PTPRE: variants seen among roughly 807,000 people sequenced by gnomAD.
PTPRE encodes the protein protein tyrosine phosphatase receptor type E, also known as receptor-type tyrosine-protein phosphatase epsilon.
Under a neutral mutation model 102.0 loss-of-function variants are expected in PTPRE, and 51 were observed. The observed-to-expected ratio is 0.50, with a 90% CI of 0.40 to 0.63. The LOEUF (loss-of-function observed/expected upper bound fraction) is 0.63, where lower values mean the gene tolerates loss of function less well. Ranked by LOEUF, PTPRE falls within the 30% of genes least tolerant of loss-of-function variation. The probability of loss-of-function intolerance (pLI) is 0.00; values close to 1 mark genes in which losing one functional copy is unlikely to be tolerated. For missense variants in PTPRE, 752 were observed against 915.1 expected (o/e 0.82, Z 2.30); for synonymous variants, 345 against 348.2 (o/e 0.99, Z 0.10).
In PTPRE at chr10:128,028,621, C is replaced by G. The variant is rs968220729; in HGVS notation, c.-7-12254C>G. On this transcript the variant is annotated intron_variant, in intron 2 of 20. Transcript: ENST00000254667. This position sits in a 1 kb window ranked among gnomAD's most constrained non-coding sequence, Gnocchi z 4.5. ...CAGCAGAAGCGGCAGCCCCATCTGT[C>G]CCCGAGACCCCACCCCCTCAGGCAC... Among the ~76,000 whole-genome samples, 2 of 152,114 alleles carry G rather than the reference C, an allele frequency of 1.3e-5. No individual in the cohort carries two copies. Among genetic ancestry groups the G allele is most frequent in the Non-Finnish European group, 2.9e-5 (2 of 68,018 alleles).
chr10:127,987,218 T>G, intron 2 of PTPRE: 1 of 718,066 alleles, frequency 1.4e-6, no homozygotes, highest in Non-Finnish European at 1.8e-6. Context: ...AGTCACAGTT[T>G]CCCCTAAGAG....
At position 127,918,822 on chromosome 10, in the gene PTPRE, A is replaced by G. The variant is rs113825409; in HGVS notation, c.-31+11513A>G. Among the ~76,000 whole-genome samples, 1,280 of 152,282 alleles carry G rather than the reference A, an allele frequency of 8.4e-3. 6 individuals carry two copies. Among genetic ancestry groups the G allele is most frequent in the Admixed American group, 0.015 (228 of 15,294 alleles). ...CCACGGCTGTTGAGCGTGGATGTGT[A>G]TTTCTCAAGGAGTATGAAGGAGTCT... On this transcript the variant is annotated intron_variant, in intron 1 of 20. Coordinates refer to ENST00000254667, the MANE Select transcript of PTPRE (RefSeq NM_006504.6).
At chr10:127,969,457 C>T (rs1850520634) in intron 1 of PTPRE, among the ~76,000 whole-genome samples, 1 of 152,066 alleles carries the variant, frequency 6.6e-6, no homozygotes. Flanking sequence ...CACTTGAGGC[C>T]AAGAGTCCCA....
chr10:127,977,719 C>G (rs1347191695), intron 1 of PTPRE, among the ~76,000 whole-genome samples: 2 of 152,246 alleles, frequency 1.3e-5, no homozygotes, highest in African/African-American at 4.8e-5. Context: ...CTTTCCATAT[C>G]TTGTGAGTAA....
At chr10:127,946,389 A>ACCTGTGCACACTTGCTCATC (rs1564817885) in intron 1 of PTPRE, among the ~76,000 whole-genome samples, 5 of 112,614 alleles carry the variant, frequency 4.4e-5, no homozygotes, top group East Asian at 3.4e-4. Flanking sequence ...GTAAGGATAT[A>ACCTGTGCACACTTGCTCATC]TATACAAGGA....
rs767986559 is a variant in PTPRE, at chr10:128,066,043, T to A, written c.724-32T>A. 3.1e-6 allele frequency: 5 copies of A among 1,614,086 alleles called. No individual in the cohort carries two copies. The East Asian group carries it at 1.1e-4, about 36-fold the overall frequency. On this transcript the variant is annotated intron_variant, in intron 10 of 20. Coordinates refer to ENST00000254667, the MANE Select transcript of PTPRE (RefSeq NM_006504.6). The stretch of plus-strand genomic sequence containing the variant: ...TGTCATGATGCATTGCACCCACAGA[T>A]CTATTTGCTTCTATTAAATTGTTCC...
At chr10:127,999,518 T>C in intron 2 of PTPRE, 2 of 985,368 alleles carry the variant, frequency 2.0e-6, no homozygotes, top group Non-Finnish European at 1.2e-6. Flanking sequence ...CTCTCCGAGC[T>C]CAGTGCACAG....
intron 10 of PTPRE, 138 bp from the exon 11 acceptor site, chr10:128,065,937 C>A: frequency 1.6e-6 from 2 of 1,273,840 alleles, no homozygotes; most frequent in Non-Finnish European, 2.3e-6. Context: ...GAGGTCGACA[C>A]ACGTGAACTT....
chr10:128,047,390 G>A lies in PTPRE; in HGVS notation c.110G>A (p.Gly37Asp). The A allele has an allele frequency of 6.2e-7, 1 of 1,612,372 alleles. No individual in the cohort carries two copies. Among genetic ancestry groups the A allele is most frequent in the Non-Finnish European group, 8.5e-7 (1 of 1,179,744 alleles). Residue 37 changes from glycine (G) to aspartate (D), a missense_variant and splice_region_variant, in exon 4 of 21, where the codon GGC (glycine) becomes GAC (aspartate). By Grantham distance (94) the Gly-to-Asp change is moderately conservative. Around this residue, in one of 2 missense-constraint regions of PTPRE, gnomAD observed 116 missense variants for 90.8 expected, o/e 1.28. Coordinates refer to ENST00000254667, the MANE Select transcript of PTPRE (RefSeq NM_006504.6). ...ADSNETTTTS[G>D]PPDPGASQPL... The stretch of plus-strand genomic sequence containing the variant: ...TAGGGTCTTTCTGCTTCTCCTGCAG[G>A]CCCTCCGGACCCGGGCGCCTCCCAG...
At chr10:127,918,546 G>A (rs1229336754) in intron 1 of PTPRE, among the ~76,000 whole-genome samples, 53 of 146,504 alleles carry the variant, frequency 3.6e-4, no homozygotes, top group African/African-American at 9.8e-4. Flanking sequence ...GCGACAGAGC[G>A]AGACTCCATC....
rs148330991 is a variant in PTPRE, at chr10:127,945,582, C to T, written c.-30-36692C>T. On this transcript the variant is annotated intron_variant, in intron 1 of 20. Coordinates refer to ENST00000254667, the MANE Select transcript of PTPRE (RefSeq NM_006504.6). ...ATGGGGTTTGGCAGTGATCCAAAGACTCACTGTTATGACATGTTCTCAGGG... is the reference window on the plus strand; with the variant it reads ...ATGGGGTTTGGCAGTGATCCAAAGATTCACTGTTATGACATGTTCTCAGGG... 4.2e-3 allele frequency among the ~76,000 whole-genome samples: 641 copies of T among 152,326 alleles called. 3 individuals are homozygous for T. The highest frequency in any genetic ancestry group is 0.015 in the African/African-American group (608 of 41,568).
chr10:128,049,343 C>A (rs115882057), intron 5 of PTPRE, among the ~76,000 whole-genome samples, 187 bp from the exon 6 acceptor site: 1 of 152,120 alleles, frequency 6.6e-6, no homozygotes, highest in Non-Finnish European at 1.5e-5. Context: ...GATGTGGATG[C>A]CTCACAGGAG....
intron 18 of PTPRE, 31 bp downstream of exon 18, chr10:128,076,759 T>A: frequency 6.2e-7 from 1 of 1,608,422 alleles, no homozygotes. Flanking sequence ...TAAACGCTTG[T>A]GAATTTAGTG....
In PTPRE at chr10:128,084,497, C is replaced by A. The variant is rs773414633; in HGVS notation, c.*1591C>A. 6.6e-6 allele frequency: 1 copy of A among 152,308 alleles called. No homozygotes were observed. The highest frequency in any genetic ancestry group is 2.4e-5 in the African/African-American group (1 of 41,456). The allele number at this position is 152,308 out of a possible 1,614,324, so 9.4% of individuals were successfully genotyped here. On this transcript the variant is annotated 3_prime_UTR_variant, in exon 21 of 21. Transcript: ENST00000254667. ...TCTCGCCCACTCCACGGCTCTGAGC[C>A]CCATCCAAGGGCAAGACTTGGTGCC... is the stretch of plus-strand genomic sequence containing the variant.
At chr10:127,987,119 G>A (rs1318374792) in intron 2 of PTPRE, among the ~76,000 whole-genome samples, 5 of 152,066 alleles carry the variant, frequency 3.3e-5, no homozygotes, top group South Asian at 2.1e-4. Context: ...CCCTCCCCCC[G>A]GAAAGTTTCC....
At position 128,069,016 on chromosome 10, in the gene PTPRE, A is replaced by G. The variant is rs564100132; in HGVS notation, c.1008-676A>G. ...CAGACAGGTTCATTCTGAGTATCACAGCACTGCCAGGGACAAAAGCCACCT... is the reference window on the plus strand; with the variant it reads ...CAGACAGGTTCATTCTGAGTATCACGGCACTGCCAGGGACAAAAGCCACCT... On this transcript the variant is annotated intron_variant, in intron 12 of 20. Coordinates refer to ENST00000254667, the MANE Select transcript of PTPRE (RefSeq NM_006504.6). 4 of 152,508 alleles carry G rather than the reference A, an allele frequency of 2.6e-5. No homozygotes were observed. In the East Asian group the frequency reaches 7.7e-4, roughly 29 times the overall value. 9.4% of individuals were successfully genotyped at this position (152,508 alleles called of 1,614,324 possible).
intron 2 of PTPRE, among the ~76,000 whole-genome samples, chr10:127,989,631 C>A (rs967653063): frequency 2.6e-5 from 4 of 152,260 alleles, no homozygotes; most frequent in Admixed American, 1.3e-4. Flanking sequence ...TCATTACCAC[C>A]ACCAAAGGTG....
intron 1 of PTPRE, among the ~76,000 whole-genome samples, chr10:127,938,824 A>G (rs1009935593): frequency 1.3e-5 from 2 of 152,152 alleles, no homozygotes; most frequent in African/African-American, 4.8e-5. Flanking sequence ...CCAGCAGGCA[A>G]TATCTTCATC....
At chr10:127,918,147 G>A in intron 1 of PTPRE, among the ~76,000 whole-genome samples, 1 of 152,126 alleles carries the variant, frequency 6.6e-6, no homozygotes, top group East Asian at 1.9e-4. Context: ...TCCATGAGGT[G>A]ACCCTCAGCC....
Sources: gnomAD v4.1 joint callset for allele counts (sites outside exome capture counted in the v4.1 genomes callset) on GRCh38, gnomAD v4.1.1 for gene constraint, gnomAD v4.1.1 regional missense constraint, Gnocchi (gnomAD v3.1) non-coding constraint, MANE v1.5 for transcripts, NCBI Gene and HGNC (gene_info 2026-07-23, HGNC 2026-07-21) for gene names.